PCNX2: variants seen among roughly 807,000 people sequenced by gnomAD.
PCNX2 encodes the protein pecanex 2.
Under a neutral mutation model 223.8 loss-of-function variants are expected in PCNX2, and 168 were observed. The observed-to-expected ratio is 0.75, with a 90% CI of 0.66 to 0.85. PCNX2 has a LOEUF of 0.85. Among genes scored for constraint, PCNX2 ranks in the 40% least tolerant of loss-of-function variants. PCNX2 has a pLI of 0.00. For missense variants in PCNX2, 2,507 were observed against 2,675.5 expected (o/e 0.94, Z 1.39); for synonymous variants, 1,006 against 1,052.6 (o/e 0.96, Z 0.86).
intron 25 of PCNX2, among the ~76,000 whole-genome samples, chr1:233,043,812 G>A (rs1671730579): frequency 1.4e-5 from 2 of 147,174 alleles, no homozygotes; most frequent in Non-Finnish European, 3.0e-5. Flanking sequence ...TATCATTGTT[G>A]GACATTTGGG....
In PCNX2 at chr1:232,995,168, C is replaced by T. The variant is rs190630468; in HGVS notation, c.5791+3083G>A. Among the ~76,000 whole-genome samples, 335 of 152,122 alleles carry T rather than the reference C, an allele frequency of 2.2e-3. 1 individual carries two copies. The highest frequency in any genetic ancestry group is 7.5e-3 in the African/African-American group (311 of 41,478). ...TGCAGCAAGGATGCTGTGAATACAC[C>T]GGGGGGCAGAGAAAGAGCAGGGTGG... is the stretch of plus-strand genomic sequence containing the variant. On this transcript the variant is annotated intron_variant, in intron 32 of 33. Transcript: ENST00000258229.
chr1:233,254,534 A>G lies in PCNX2; in HGVS notation c.1835-1746T>C, dbSNP rs572734725. Reference sequence around the variant, plus strand: ...TTTTCCTTTTTTCCTTAAAAAATACATTTATAGAAATGTTTCTGTTTATAA... The same window carrying G: ...TTTTCCTTTTTTCCTTAAAAAATACGTTTATAGAAATGTTTCTGTTTATAA... On this transcript the variant is annotated intron_variant, in intron 5 of 33. Transcript: ENST00000258229. Among the ~76,000 whole-genome samples the G allele has an allele frequency of 3.9e-5, 6 of 152,284 alleles. No individual in the cohort carries two copies. In the South Asian group the frequency reaches 1.2e-3, roughly 32 times the overall value.
At position 233,295,259 on chromosome 1, in the gene PCNX2, C is replaced by T; in HGVS notation, c.153+67G>A. ...AAAGCCCGTGAGGCTGATGGCACGT[C>T]TGTGGTTCCTTTCTCCTTCTTCCCT... On this transcript the variant is annotated intron_variant, in intron 1 of 33. Transcript: ENST00000258229. This position sits in a 1 kb window ranked among gnomAD's most constrained non-coding sequence, Gnocchi z 4.1. 1 of 1,548,786 alleles carries T rather than the reference C, an allele frequency of 6.5e-7. No homozygotes were observed. Among genetic ancestry groups the T allele is most frequent in the East Asian group, 2.4e-5 (1 of 40,844 alleles).
intron 19 of PCNX2, among the ~76,000 whole-genome samples, chr1:233,148,776 C>T (rs1374094417): frequency 1.3e-5 from 2 of 152,202 alleles, no homozygotes; most frequent in Non-Finnish European, 2.9e-5. Context: ...TGACACGCTT[C>T]AGTCTCTAGA....
upstream of PCNX2, chr1:233,295,774 C>T (rs1312424361): frequency 9.8e-6 from 3 of 305,730 alleles, no homozygotes; most frequent in East Asian, 5.6e-5. This position sits in a 1 kb window ranked among gnomAD's most constrained non-coding sequence, Gnocchi z 4.1. Context: ...AGGTTGCTTC[C>T]GAGGCTCCTC....
chr1:233,227,183 C>CA, intron 10 of PCNX2, 43 bp downstream of exon 10: 1 of 1,560,636 alleles, frequency 6.4e-7, no homozygotes, highest in East Asian at 2.3e-5. Context: ...GTCACGTCCC[C>CA]GGTGTGCCTT....
intron 21 of PCNX2, among the ~76,000 whole-genome samples, chr1:233,107,424 C>A (rs1558237605): frequency 6.6e-6 from 1 of 151,932 alleles, no homozygotes; most frequent in South Asian, 2.1e-4. Context: ...ACAAAAAGAG[C>A]CCTGCTAACA....
At chr1:233,136,252 G>C (rs1028173287) in intron 20 of PCNX2, among the ~76,000 whole-genome samples, 1 of 152,152 alleles carries the variant, frequency 6.6e-6, no homozygotes, top group African/African-American at 2.4e-5. Context: ...TCTAAGAGAG[G>C]CTTTCTTTCC....
chr1:233,197,577 TA>T (rs1680809853), intron 15 of PCNX2, among the ~76,000 whole-genome samples: 1 of 152,198 alleles, frequency 6.6e-6, no homozygotes, highest in Non-Finnish European at 1.5e-5. Flanking sequence ...TACAAGCACA[TA>T]AATTACCTTT....
At chr1:232,997,143 G>A (rs1571992156) in intron 32 of PCNX2, among the ~76,000 whole-genome samples, 1 of 151,936 alleles carries the variant, frequency 6.6e-6, no homozygotes, top group African/African-American at 2.4e-5. Context: ...TTTAAATAAT[G>A]AAGTCCCCAA....
intron 15 of PCNX2, among the ~76,000 whole-genome samples, chr1:233,185,817 T>C (rs1680065601): frequency 1.3e-5 from 2 of 152,210 alleles, no homozygotes; most frequent in Non-Finnish European, 2.9e-5. Flanking sequence ...CATCTCTAAT[T>C]GCTCTGAGAC....
intron 25 of PCNX2, among the ~76,000 whole-genome samples, chr1:233,037,039 C>T (rs964275852): frequency 9.2e-5 from 14 of 152,212 alleles, no homozygotes; most frequent in Admixed American, 2.6e-4. Context: ...GCCATGACTA[C>T]TGCCATCATT....
intron 12 of PCNX2, chr1:233,210,692 T>A: frequency 1.0e-6 from 1 of 975,050 alleles, no homozygotes; most frequent in Non-Finnish European, 1.2e-6. Context: ...ACTGATTTTT[T>A]AATTTTTCCA....
chr1:233,186,379 C>T (rs184059023), intron 15 of PCNX2, among the ~76,000 whole-genome samples: 49 of 152,170 alleles, frequency 3.2e-4, no homozygotes, highest in East Asian at 5.8e-4. Context: ...ATAAAGTTCC[C>T]GAAATTTAGT....
At chr1:233,087,845 T>C (rs894023102) in intron 23 of PCNX2, among the ~76,000 whole-genome samples, 1 of 152,154 alleles carries the variant, frequency 6.6e-6, no homozygotes, top group African/African-American at 2.4e-5. Flanking sequence ...GGTTTCCTTG[T>C]ACATACCCAC....
At chr1:233,236,295 T>G (rs557242393) in intron 9 of PCNX2, among the ~76,000 whole-genome samples, 1 of 152,190 alleles carries the variant, frequency 6.6e-6, no homozygotes, top group Admixed American at 6.5e-5. Flanking sequence ...TGGCTCTGCC[T>G]CCCAAGAGTC....
At chr1:233,235,961 T>A (rs776956341) in intron 9 of PCNX2, among the ~76,000 whole-genome samples, 10,029 of 96,090 alleles carry the variant, frequency 0.1, 1,232 homozygotes, top group African/African-American at 0.31. Context: ...AAAAAAAATA[T>A]ATATATATAT....
intron 1 of PCNX2, among the ~76,000 whole-genome samples, chr1:233,270,568 G>A (rs893582796): frequency 6.6e-6 from 1 of 152,094 alleles, no homozygotes; most frequent in Non-Finnish European, 1.5e-5. Context: ...TGAGGTAGAT[G>A]GAATCAAAAC....
intron 32 of PCNX2, 72 bp downstream of exon 32, chr1:232,998,179 A>C: frequency 7.2e-7 from 1 of 1,398,546 alleles, no homozygotes; most frequent in Non-Finnish European, 9.3e-7. Context: ...AAACAACATC[A>C]TAACTCAGGG....
Sources: allele counts gnomAD v4.1 joint callset (sites outside exome capture counted in the v4.1 genomes callset), GRCh38; gene constraint gnomAD v4.1.1; non-coding constraint Gnocchi (gnomAD v3.1); transcripts MANE v1.5; gene names NCBI Gene and HGNC (gene_info 2026-07-23, HGNC 2026-07-21).